ZFHX3: variants seen among roughly 807,000 people sequenced by gnomAD.
The protein encoded by ZFHX3 is zinc finger homeobox 3.
A neutral mutation model predicts 279.1 loss-of-function variants in ZFHX3; 42 were observed. The ratio of observed to expected loss-of-function variants is 0.15; its 90% CI spans 0.12 to 0.19. ZFHX3 has a LOEUF of 0.19. Ranked by LOEUF, ZFHX3 falls within the 10% of genes least tolerant of loss-of-function variation. The pLI is 1.00. For synonymous variants in ZFHX3, 2,293 were observed against 1,957.8 expected (o/e 1.17, Z -4.52); for missense variants, 4,981 against 4,754.0 (o/e 1.05, Z -1.40).
intron 4 of ZFHX3, among the ~76,000 whole-genome samples, chr16:73,294,541 T>C (rs1308771417): frequency 6.6e-6 from 1 of 152,180 alleles, no homozygotes; most frequent in Non-Finnish European, 1.5e-5. Flanking sequence ...CTGGGCGAGG[T>C]GGCTCACGCC....
At position 73,201,079 on chromosome 16, in the gene ZFHX3, T is replaced by C. The variant is rs375810700; in HGVS notation, c.-1104+55968A>G. 2.8e-4 allele frequency among the ~76,000 whole-genome samples: 43 copies of C among 152,322 alleles called. No individual in the cohort carries two copies. The South Asian group carries it at 7.5e-3, about 26-fold the overall frequency. On this transcript the variant is annotated intron_variant, in intron 5 of 17. Coordinates refer to the ZFHX3 transcript ENST00000641206. ...GGCAGGGCAGACCCTACTCCCTGGC[T>C]CTAGGTTGATCCAAGCCAGGCCAGC...
intron 2 of ZFHX3, among the ~76,000 whole-genome samples, chr16:73,568,035 A>T (rs1304558549): frequency 6.6e-6 from 1 of 152,202 alleles, no homozygotes; most frequent in Non-Finnish European, 1.5e-5. Context: ...ACGTTCTTCA[A>T]CAAAGGGTCA....
chr16:73,241,118 C>T (rs897339695), intron 5 of ZFHX3, among the ~76,000 whole-genome samples: 4 of 152,150 alleles, frequency 2.6e-5, no homozygotes, highest in Non-Finnish European at 5.9e-5. Context: ...AAGGACCTCC[C>T]GCTGTTTATG....
intron 2 of ZFHX3, among the ~76,000 whole-genome samples, chr16:73,569,444 C>CCATTAA (rs1217028579): frequency 1.3e-5 from 2 of 151,660 alleles, no homozygotes; most frequent in African/African-American, 4.8e-5. Flanking sequence ...ACCGATGTTC[C>CCATTAA]CATTAACATA....
intron 1 of ZFHX3, among the ~76,000 whole-genome samples, chr16:73,024,792 T>G (rs1204756169): frequency 2.0e-5 from 3 of 152,176 alleles, no homozygotes; most frequent in Admixed American, 2.0e-4. Flanking sequence ...CCAGACACTT[T>G]GCAGAGAGAC....
chr16:73,686,371 C>A (rs1017501963), intron 1 of ZFHX3, among the ~76,000 whole-genome samples: 1 of 152,130 alleles, frequency 6.6e-6, no homozygotes, highest in African/African-American at 2.4e-5. Flanking sequence ...TGGGATAAGG[C>A]GTGAGCCACC....
chr16:73,780,643 T>C (rs945456717), intron 1 of ZFHX3, among the ~76,000 whole-genome samples: 1 of 152,164 alleles, frequency 6.6e-6, no homozygotes, highest in Non-Finnish European at 1.5e-5. Context: ...GGTTTCGCCA[T>C]GTTAGCCAGG....
intron 8 of ZFHX3, among the ~76,000 whole-genome samples, chr16:73,087,838 T>C (rs1966026656): frequency 6.6e-6 from 1 of 152,208 alleles, no homozygotes; most frequent in Admixed American, 6.5e-5. Flanking sequence ...CTCTTTTTTT[T>C]TTTTCTGAGA....
intron 7 of ZFHX3, among the ~76,000 whole-genome samples, chr16:73,095,324 C>T (rs1966147188): frequency 6.6e-6 from 1 of 152,140 alleles, no homozygotes; most frequent in African/African-American, 2.4e-5. Flanking sequence ...ATAAGAATCC[C>T]ACACTGCCAG....
chr16:73,227,736 C>G (rs957395689), intron 5 of ZFHX3, among the ~76,000 whole-genome samples: 24 of 150,470 alleles, frequency 1.6e-4, no homozygotes, highest in African/African-American at 5.9e-4. Flanking sequence ...GTAATCCCAG[C>G]TACTCAGGAG....
At chr16:73,868,602 G>A (rs1486480718) in intron 1 of ZFHX3, among the ~76,000 whole-genome samples, 2 of 152,208 alleles carry the variant, frequency 1.3e-5, no homozygotes, top group Non-Finnish European at 2.9e-5. Context: ...CCCTCTGAAA[G>A]TTGTATGCTG....
intron 2 of ZFHX3, among the ~76,000 whole-genome samples, chr16:73,555,454 G>A (rs1308754282): frequency 1.3e-5 from 2 of 151,248 alleles, no homozygotes; most frequent in Admixed American, 6.6e-5. Context: ...GCGCCCGGCC[G>A]CCATGTTTGT....
In ZFHX3 at chr16:73,025,055, T is replaced by A. The variant is rs567624360; in HGVS notation, c.-50+22697A>T. Among the ~76,000 whole-genome samples, 379 of 152,252 alleles carry A rather than the reference T, an allele frequency of 2.5e-3. 1 individual carries two copies. The highest frequency in any genetic ancestry group is 8.6e-3 in the African/African-American group (356 of 41,548). On this transcript the variant is annotated intron_variant, in intron 1 of 9. Coordinates refer to ENST00000268489, the MANE Select transcript of ZFHX3 (RefSeq NM_006885.4). ...ATGTATCCATTATAAGGATCTAACT[T>A]TTTTATGGAGAGGAGAAAGTTCCCA...
At chr16:73,478,587 A>G (rs1053608172) in intron 2 of ZFHX3, among the ~76,000 whole-genome samples, 3 of 152,170 alleles carry the variant, frequency 2.0e-5, no homozygotes, top group Non-Finnish European at 4.4e-5. Context: ...ACTTAAGCAA[A>G]TGTCCAAACT....
chr16:73,694,721 T>C (rs12920607), intron 1 of ZFHX3, among the ~76,000 whole-genome samples: 81,563 of 152,120 alleles, frequency 0.54, 23,252 homozygotes, highest in East Asian at 0.84. Context: ...ATGGCCCCTC[T>C]GTGCATTTTT....
chr16:73,647,508 C>A (rs1289159721), intron 2 of ZFHX3, among the ~76,000 whole-genome samples: 1 of 152,174 alleles, frequency 6.6e-6, no homozygotes, highest in Non-Finnish European at 1.5e-5. Context: ...AGACATCTTT[C>A]ACCTTCCGCC....
intron 2 of ZFHX3, among the ~76,000 whole-genome samples, chr16:73,490,454 C>A (rs1237529425): frequency 6.6e-6 from 1 of 152,190 alleles, no homozygotes; most frequent in Non-Finnish European, 1.5e-5. Context: ...CAAGGTGGAC[C>A]TGATACGTCT....
At chr16:73,790,222 T>G (rs1253964820) in intron 1 of ZFHX3, among the ~76,000 whole-genome samples, 1 of 151,638 alleles carries the variant, frequency 6.6e-6, no homozygotes, top group Non-Finnish European at 1.5e-5. Context: ...ATCCTGGATC[T>G]TACAGGGATC....
intron 5 of ZFHX3, among the ~76,000 whole-genome samples, chr16:73,189,957 T>C (rs1483045879): frequency 6.6e-6 from 1 of 152,004 alleles, no homozygotes; most frequent in Non-Finnish European, 1.5e-5. Context: ...AATTAAAAAC[T>C]AAAAGTCTAA....
Sources: gnomAD v4.1 joint callset for allele counts (sites outside exome capture counted in the v4.1 genomes callset) on GRCh38, gnomAD v4.1.1 for gene constraint, MANE v1.5 for transcripts, NCBI Gene and HGNC (gene_info 2026-07-23, HGNC 2026-07-21) for gene names.